C16orf74: variants seen among roughly 807,000 people sequenced by gnomAD.
The protein encoded by C16orf74 is uncharacterized protein C16orf74.
A neutral mutation model predicts 6.5 loss-of-function variants in C16orf74; 10 were observed. That is an observed-to-expected ratio of 1.54 (90% confidence interval 0.95 to 2.61). The LOEUF (loss-of-function observed/expected upper bound fraction) is 2.61, where lower values mean the gene tolerates loss of function less well. Among genes scored for constraint, C16orf74 ranks in the 30% most tolerant of loss-of-function variants. The pLI is 0.00. For missense variants in C16orf74, 141 were observed against 105.9 expected (o/e 1.33, Z -1.45); for synonymous variants, 60 against 42.5 (o/e 1.41, Z -1.60).
intron 1 of C16orf74, among the ~76,000 whole-genome samples, chr16:85,739,635 C>A (rs533157510): frequency 1.3e-5 from 2 of 151,414 alleles, no homozygotes; most frequent in Non-Finnish European, 2.9e-5. Context: ...CCCATCTCTA[C>A]AAAAAAATAC....
chr16:85,714,935 T>C (rs548831021), intron 2 of C16orf74, among the ~76,000 whole-genome samples: 1 of 149,166 alleles, frequency 6.7e-6, no homozygotes, highest in Admixed American at 6.7e-5. Flanking sequence ...GGCGGGCGGA[T>C]CATGAGGTCA....
chr16:85,738,717 G>A lies in C16orf74; in HGVS notation c.-18-3482C>T, dbSNP rs1358312864. 2.6e-5 allele frequency among the ~76,000 whole-genome samples: 4 copies of A among 152,048 alleles called. No homozygotes were observed. In the East Asian group the frequency reaches 7.8e-4, roughly 30 times the overall value. On this transcript the variant is annotated intron_variant, in intron 1 of 3. Coordinates refer to ENST00000284245, the MANE Select transcript of C16orf74 (RefSeq NM_206967.3). ...CCTATGGGAGGAGTGAGGGGTAGCG[G>A]AGGAGTGGGGCTGGGGCTGAGGGAC... is the stretch of plus-strand genomic sequence containing the variant.
At chr16:85,708,592 C>A (rs900646508) in intron 3 of C16orf74, among the ~76,000 whole-genome samples, 1 of 152,204 alleles carries the variant, frequency 6.6e-6, no homozygotes, top group Non-Finnish European at 1.5e-5. Flanking sequence ...CATTTCTAAA[C>A]TAGAGATAAG....
intron 1 of C16orf74, among the ~76,000 whole-genome samples, chr16:85,740,912 T>C (rs139616061): frequency 6.6e-6 from 1 of 151,578 alleles, no homozygotes; most frequent in East Asian, 1.9e-4. Context: ...AACTCTCAAA[T>C]TGTTCAGCAG....
chr16:85,724,091 A>C (rs942972265), intron 2 of C16orf74, among the ~76,000 whole-genome samples: 6 of 151,964 alleles, frequency 3.9e-5, no homozygotes, highest in African/African-American at 1.5e-4. Flanking sequence ...ATTTTGTAGA[A>C]ATGGGGTCTC....
At chr16:85,750,173 C>CGCA (rs2054420864) in intron 1 of C16orf74, among the ~76,000 whole-genome samples, 1 of 152,172 alleles carries the variant, frequency 6.6e-6, no homozygotes, top group African/African-American at 2.4e-5. Context: ...GCCTTTGCCT[C>CGCA]GCAGCCTTCC....
chr16:85,710,076 C>A (rs1443932217), intron 3 of C16orf74, 88 bp downstream of exon 3: 5 of 1,155,644 alleles, frequency 4.3e-6, no homozygotes, highest in Non-Finnish European at 5.7e-6. Flanking sequence ...GCAAGCTAGG[C>A]CCCGTGGCCA....
At chr16:85,713,919 T>C (rs899720739) in intron 2 of C16orf74, among the ~76,000 whole-genome samples, 54 of 152,174 alleles carry the variant, frequency 3.5e-4, no homozygotes, top group Non-Finnish European at 6.8e-4. Flanking sequence ...GTCTTCCCTT[T>C]GGTCTTAACC....
chr16:85,707,796 C>T lies in C16orf74; in HGVS notation c.*212G>A, dbSNP rs940887715. The T allele has an allele frequency of 7.0e-5, 40 of 574,948 alleles. No individual in the cohort carries two copies. The highest frequency in any genetic ancestry group is 3.6e-4 in the East Asian group (12 of 33,064). The allele number at this position is 574,948 out of a possible 1,614,324, so 35.6% of individuals were successfully genotyped here. On this transcript the variant is annotated 3_prime_UTR_variant, in exon 4 of 4. Transcript: ENST00000284245. Reference sequence around the variant, plus strand: ...CAAGAACCTGGAGGTGTCAGAGGTCCGGTCCACTCAGCGGGGCCTGGGAAA... The same window carrying T: ...CAAGAACCTGGAGGTGTCAGAGGTCTGGTCCACTCAGCGGGGCCTGGGAAA...
chr16:85,748,732 G>T (rs539189005), intron 1 of C16orf74, among the ~76,000 whole-genome samples: 1 of 152,148 alleles, frequency 6.6e-6, no homozygotes, highest in Admixed American at 6.6e-5. Flanking sequence ...GACTTAAAGG[G>T]ACTGTCCTAT....
intron 2 of C16orf74, among the ~76,000 whole-genome samples, chr16:85,717,277 G>T (rs895186385): frequency 6.6e-6 from 1 of 152,182 alleles, no homozygotes; most frequent in African/African-American, 2.4e-5. Context: ...GGTTCCCATC[G>T]CGGCTGCCCA....
intron 1 of C16orf74, among the ~76,000 whole-genome samples, chr16:85,745,008 G>A (rs1046443356): frequency 6.6e-6 from 1 of 151,288 alleles, no homozygotes; most frequent in African/African-American, 2.4e-5. Context: ...AGGCATTGTG[G>A]CGCACGCCTG....
chr16:85,742,119 T>C (rs535319080), intron 1 of C16orf74, among the ~76,000 whole-genome samples: 1 of 152,268 alleles, frequency 6.6e-6, no homozygotes, highest in East Asian at 1.9e-4. Flanking sequence ...ACGCCTGTAA[T>C]CCTAGCACTG....
intron 2 of C16orf74, among the ~76,000 whole-genome samples, chr16:85,722,245 C>T (rs760708404): frequency 1.3e-5 from 2 of 152,088 alleles, no homozygotes; most frequent in Admixed American, 6.5e-5. Context: ...AGGAAGGTGT[C>T]GAATGGCAGG....
chr16:85,750,578 C>T (rs2054426242), intron 1 of C16orf74, among the ~76,000 whole-genome samples: 1 of 152,212 alleles, frequency 6.6e-6, no homozygotes, highest in Non-Finnish European at 1.5e-5. Flanking sequence ...TTCCAGCTCT[C>T]AGGAATGGCG....
At chr16:85,729,416 G>T (rs2054165859) in intron 2 of C16orf74, among the ~76,000 whole-genome samples, 1 of 152,216 alleles carries the variant, frequency 6.6e-6, no homozygotes, top group Non-Finnish European at 1.5e-5. Context: ...ACAAAGGGGT[G>T]TTGGCACAGC....
intron 1 of C16orf74, among the ~76,000 whole-genome samples, chr16:85,741,230 G>C (rs1315262089): frequency 2.0e-5 from 3 of 152,198 alleles, no homozygotes; most frequent in African/African-American, 7.2e-5. Context: ...GCTTGGTGGA[G>C]ATGCGTTCCT....
chr16:85,727,947 G>C (rs1169276163), intron 2 of C16orf74, among the ~76,000 whole-genome samples: 2 of 132,136 alleles, frequency 1.5e-5, no homozygotes, highest in Admixed American at 8.6e-5. Flanking sequence ...GAGCAACAAA[G>C]CGAGACCCCT....
chr16:85,717,773 A>G (rs1319898377), intron 2 of C16orf74, among the ~76,000 whole-genome samples: 1 of 152,214 alleles, frequency 6.6e-6, no homozygotes, highest in African/African-American at 2.4e-5. Context: ...GAAGGGAGGT[A>G]ACGTGCTGGT....
Sources: gnomAD v4.1 joint callset for allele counts (sites outside exome capture counted in the v4.1 genomes callset) on GRCh38, gnomAD v4.1.1 for gene constraint, MANE v1.5 for transcripts, NCBI Gene and HGNC (gene_info 2026-07-23, HGNC 2026-07-21) for gene names.